Variants in TMBIM6 observed in about 807,000 individuals in gnomAD.
TMBIM6 encodes the protein transmembrane BAX inhibitor motif containing 6, also known as bax inhibitor 1.
Under a neutral mutation model 31.4 loss-of-function variants are expected in TMBIM6, and 13 were observed. That is an observed-to-expected ratio of 0.41 (90% CI 0.27 to 0.66). The LOEUF is 0.66. Ranked by LOEUF, TMBIM6 falls within the 30% of genes least tolerant of loss-of-function variation. TMBIM6 has a pLI of 0.28. For missense variants in TMBIM6, 275 were observed against 289.5 expected (o/e 0.95, Z 0.36); for synonymous variants, 85 against 101.7 (o/e 0.84, Z 0.99).
chr12:49,749,266 A>G (rs1342386938), intron 1 of TMBIM6, among the ~76,000 whole-genome samples: 1 of 152,106 alleles, frequency 6.6e-6, no homozygotes, highest in African/African-American at 2.4e-5. Context: ...TCTAAGACCT[A>G]TGTATTCCCT....
chr12:49,756,154 G>T (rs1945588518), intron 4 of TMBIM6, among the ~76,000 whole-genome samples: 1 of 150,658 alleles, frequency 6.6e-6, no homozygotes, highest in South Asian at 2.1e-4. Flanking sequence ...TTTTTTTTGA[G>T]ACAGTGTCTC....
chr12:49,759,908 C>T (rs1340071483), intron 8 of TMBIM6, among the ~76,000 whole-genome samples: 3 of 151,144 alleles, frequency 2.0e-5, no homozygotes, highest in African/African-American at 4.9e-5. Context: ...GTCAGGAGAT[C>T]GAAACCATCC....
rs1327020005 is a variant in TMBIM6, at chr12:49,755,624, G to C, written c.166-11G>C. On this transcript the variant is annotated splice_polypyrimidine_tract_variant and intron_variant, in intron 3 of 9. Coordinates refer to ENST00000267115, the MANE Select transcript of TMBIM6 (RefSeq NM_003217.3). Reference sequence around the variant, plus strand: ...AAGTGTTTAATGATTGATTGATTCTGACTCTAACAGGCTGGCCTGCTGTCT... The same window carrying C: ...AAGTGTTTAATGATTGATTGATTCTCACTCTAACAGGCTGGCCTGCTGTCT... The C allele has an allele frequency of 8.1e-6, 13 of 1,610,618 alleles. No individual in the cohort carries two copies. The highest frequency in any genetic ancestry group is 1.0e-5 in the Non-Finnish European group (12 of 1,179,056).
intron 4 of TMBIM6, among the ~76,000 whole-genome samples, chr12:49,756,024 G>A (rs1344270765): frequency 6.6e-6 from 1 of 151,786 alleles, no homozygotes; most frequent in Admixed American, 6.6e-5. Context: ...TAGTAGAGAC[G>A]GGGTTTCATC....
intron 8 of TMBIM6, among the ~76,000 whole-genome samples, chr12:49,761,342 T>C (rs1010985177): frequency 6.6e-6 from 1 of 152,134 alleles, no homozygotes. Context: ...GCCTCCTCAG[T>C]AGCTGGGATT....
intron 1 of TMBIM6, among the ~76,000 whole-genome samples, chr12:49,749,302 G>T (rs1478075441): frequency 6.6e-5 from 10 of 152,058 alleles, no homozygotes; most frequent in Admixed American, 6.5e-4. Flanking sequence ...TTCTGAAATT[G>T]TCATCTGTAC....
intron 9 of TMBIM6, 144 bp downstream of exon 9, chr12:49,761,923 A>G: frequency 5.7e-6 from 4 of 706,652 alleles, no homozygotes; most frequent in Non-Finnish European, 9.0e-6. Context: ...GAGGTAAGCC[A>G]GAAGTCTTCA....
At chr12:49,744,572 T>G (rs1318641058) in intron 1 of TMBIM6, 1 of 152,164 alleles carries the variant, frequency 6.6e-6, no homozygotes, top group Non-Finnish European at 1.5e-5. Context: ...AGCTGGGGAA[T>G]GTTGATTTGA....
At chr12:49,743,796 G>A (rs1329653764) in intron 1 of TMBIM6, among the ~76,000 whole-genome samples, 2 of 152,174 alleles carry the variant, frequency 1.3e-5, no homozygotes, top group African/African-American at 2.4e-5. Flanking sequence ...AGTAAAAAGA[G>A]CACTAGACTA....
intron 1 of TMBIM6, chr12:49,741,981 C>A: frequency 8.7e-7 from 1 of 1,150,268 alleles, no homozygotes; most frequent in Non-Finnish European, 1.2e-6. Context: ...GGCCTAGCTT[C>A]GATCGTTCGA....
chr12:49,760,655 G>C (rs1945700830), intron 8 of TMBIM6, among the ~76,000 whole-genome samples: 1 of 148,936 alleles, frequency 6.7e-6, no homozygotes, highest in Admixed American at 6.9e-5. Flanking sequence ...TTGTGCCTCA[G>C]CCTCCCTAGT....
Sources: allele counts gnomAD v4.1 joint callset (sites outside exome capture counted in the v4.1 genomes callset), GRCh38; gene constraint gnomAD v4.1.1; transcripts MANE v1.5; gene names NCBI Gene and HGNC (gene_info 2026-07-23, HGNC 2026-07-21).